Variants in HPCAL1 observed in about 807,000 individuals in gnomAD.
HPCAL1 encodes the protein hippocalcin like 1.
In HPCAL1, 8 loss-of-function variants were observed where a neutral mutation model predicts 17.1. The ratio of observed to expected loss-of-function variants is 0.47; its 90% CI spans 0.27 to 0.84. HPCAL1 has a LOEUF of 0.84. Ranked by LOEUF, HPCAL1 falls within the 40% of genes least tolerant of loss-of-function variation. HPCAL1 has a pLI of 0.13. For missense variants in HPCAL1, 165 were observed against 271.1 expected (o/e 0.61, Z 2.75); for synonymous variants, 112 against 111.4 (o/e 1.01, Z -0.03).
At chr2:10,406,324 C>T (rs1029258011) in intron 2 of HPCAL1, 2 of 152,462 alleles carry the variant, frequency 1.3e-5, no homozygotes, top group Non-Finnish European at 2.9e-5. Context: ...CCCATCCCAG[C>T]TGACCTCTGT....
intron 1 of HPCAL1, among the ~76,000 whole-genome samples, chr2:10,375,516 A>G (rs1667505081): frequency 6.6e-6 from 1 of 152,232 alleles, no homozygotes; most frequent in South Asian, 2.1e-4. Context: ...AAGCTTGAAG[A>G]AAAGTGGTTA....
rs151032540 is a variant in HPCAL1, at chr2:10,343,599, T to C, written c.-111+40422T>C. On this transcript the variant is annotated intron_variant, in intron 1 of 4. Transcript: ENST00000307845. This position sits in a 1 kb window ranked among gnomAD's most constrained non-coding sequence, Gnocchi z 4.8. The stretch of plus-strand genomic sequence containing the variant: ...GCATGGCTTTAGGTGGGACCTCCAC[T>C]ATATGGGTTTGCAAGCTGCCACTGC... Among the ~76,000 whole-genome samples the C allele has an allele frequency of 3.2e-4, 48 of 152,316 alleles. No individual in the cohort carries two copies. Among genetic ancestry groups the C allele is most frequent in the Admixed American group, 8.5e-4 (13 of 15,304 alleles).
chr2:10,316,122 C>T (rs1227069317), intron 1 of HPCAL1, among the ~76,000 whole-genome samples: 3 of 152,210 alleles, frequency 2.0e-5, no homozygotes, highest in Middle Eastern at 3.4e-3. Context: ...TGAACTTGGG[C>T]GTTCACTTCG....
At position 10,310,303 on chromosome 2, in the gene HPCAL1, C is replaced by G. The variant is rs1662873319; in HGVS notation, c.-111+7126C>G. ...GATGTGAGTACCTAGGTGAGTCTGG[C>G]TGGTCACGTGTGGAATAAGTGGTGG... is the stretch of plus-strand genomic sequence containing the variant. On this transcript the variant is annotated intron_variant, in intron 1 of 4. Coordinates refer to ENST00000307845, the MANE Select transcript of HPCAL1 (RefSeq NM_002149.4). The surrounding 1 kb of genome is among the most constrained non-coding windows in gnomAD (Gnocchi z 4.5). 1.3e-5 allele frequency among the ~76,000 whole-genome samples: 2 copies of G among 151,998 alleles called. No homozygotes were observed. Among genetic ancestry groups the G allele is most frequent in the Non-Finnish European group, 1.5e-5 (1 of 68,016 alleles).
chr2:10,343,494 T>C lies in HPCAL1; in HGVS notation c.-111+40317T>C, dbSNP rs1373275125. Reference sequence around the variant, plus strand: ...TGTCCACAGACTTCCATGCAAGTGATTCCTGCTGTTCCCTGGGTCTTCCTT... The same window carrying C: ...TGTCCACAGACTTCCATGCAAGTGACTCCTGCTGTTCCCTGGGTCTTCCTT... On this transcript the variant is annotated intron_variant, in intron 1 of 4. Coordinates refer to ENST00000307845, the MANE Select transcript of HPCAL1 (RefSeq NM_002149.4). This position sits in a 1 kb window ranked among gnomAD's most constrained non-coding sequence, Gnocchi z 4.8. 6.6e-6 allele frequency among the ~76,000 whole-genome samples: 1 copy of C among 152,204 alleles called. No homozygotes were observed. Among genetic ancestry groups the C allele is most frequent in the Admixed American group, 6.5e-5 (1 of 15,282 alleles).
chr2:10,306,446 G>A (rs78748748), intron 1 of HPCAL1, among the ~76,000 whole-genome samples: 366 of 152,194 alleles, frequency 2.4e-3, no homozygotes, highest in African/African-American at 8.5e-3. Context: ...TTTCTGTGTC[G>A]TTCTTATGTC....
intron 1 of HPCAL1, among the ~76,000 whole-genome samples, chr2:10,370,725 G>A (rs1243041557): frequency 6.6e-6 from 1 of 152,234 alleles, no homozygotes; most frequent in Non-Finnish European, 1.5e-5. Context: ...CCATACAGGT[G>A]TACCAGCTTT....
At chr2:10,385,202 C>T (rs554946508) in intron 1 of HPCAL1, among the ~76,000 whole-genome samples, 1 of 152,242 alleles carries the variant, frequency 6.6e-6, no homozygotes, top group African/African-American at 2.4e-5. Context: ...TGCCATCTTC[C>T]CATCAGCCCC....
intron 2 of HPCAL1, among the ~76,000 whole-genome samples, chr2:10,401,744 C>A (rs1186504026): frequency 6.6e-6 from 1 of 152,304 alleles, no homozygotes; most frequent in African/African-American, 2.4e-5. Context: ...TGGAACCCAG[C>A]TCTCTGTCCT....
At chr2:10,364,523 G>A (rs573675126) in intron 1 of HPCAL1, among the ~76,000 whole-genome samples, 1 of 152,296 alleles carries the variant, frequency 6.6e-6, no homozygotes, top group East Asian at 1.9e-4. Context: ...TGCTTCCCTC[G>A]GGATGGTTTC....
intron 3 of HPCAL1, among the ~76,000 whole-genome samples, chr2:10,421,709 C>A (rs1333045356): frequency 1.3e-5 from 2 of 152,008 alleles, no homozygotes; most frequent in African/African-American, 4.8e-5. Flanking sequence ...TCCAAAAAGA[C>A]CAAAAGCAAA....
At chr2:10,380,216 G>T (rs543220704) in intron 1 of HPCAL1, among the ~76,000 whole-genome samples, 16 of 152,216 alleles carry the variant, frequency 1.1e-4, no homozygotes, top group Non-Finnish European at 2.2e-4. Flanking sequence ...GGTTTGCTTG[G>T]TCTGGAGACA....
chr2:10,376,539 A>C (rs1037033568), intron 1 of HPCAL1, among the ~76,000 whole-genome samples: 2 of 152,008 alleles, frequency 1.3e-5, no homozygotes, highest in Non-Finnish European at 2.9e-5. Flanking sequence ...GGGTTCAAGC[A>C]ATCCTCCTGC....
At chr2:10,307,253 G>A (rs10198443) in intron 1 of HPCAL1, among the ~76,000 whole-genome samples, 3,292 of 152,312 alleles carry the variant, frequency 0.022, 110 homozygotes, top group African/African-American at 0.063. Flanking sequence ...TGGGTGGTGC[G>A]TGGTTCTCCT....
chr2:10,406,451 A>G (rs1669974722), intron 2 of HPCAL1: 2 of 152,290 alleles, frequency 1.3e-5, no homozygotes, highest in Non-Finnish European at 2.9e-5. Context: ...TGTCTTGTCC[A>G]TCCACGTGTG....
intron 2 of HPCAL1, among the ~76,000 whole-genome samples, chr2:10,409,000 T>G (rs1474849488): frequency 6.6e-6 from 1 of 152,220 alleles, no homozygotes; most frequent in African/African-American, 2.4e-5. Context: ...CTTGTTTGAT[T>G]TAAACCGTTA....
At chr2:10,401,557 G>A (rs1157738198) in intron 2 of HPCAL1, among the ~76,000 whole-genome samples, 7 of 152,092 alleles carry the variant, frequency 4.6e-5, no homozygotes, top group African/African-American at 4.8e-5. Flanking sequence ...TTCCAAGGCC[G>A]GATCTGCAGA....
intron 2 of HPCAL1, among the ~76,000 whole-genome samples, chr2:10,397,213 T>C (rs570602839): frequency 4.0e-5 from 6 of 151,684 alleles, no homozygotes; most frequent in Non-Finnish European, 7.4e-5. Flanking sequence ...TCGGTGCTTC[T>C]GTTTGGCGAT....
chr2:10,380,110 T>C (rs76162540), intron 1 of HPCAL1, among the ~76,000 whole-genome samples: 19,028 of 152,234 alleles, frequency 0.12, 2,553 homozygotes, highest in African/African-American at 0.33. Context: ...AGCTGCAGAC[T>C]GAGTGTGTTG....
Sources: allele counts gnomAD v4.1 joint callset (sites outside exome capture counted in the v4.1 genomes callset), GRCh38; gene constraint gnomAD v4.1.1; non-coding constraint Gnocchi (gnomAD v3.1); transcripts MANE v1.5; gene names NCBI Gene and HGNC (gene_info 2026-07-23, HGNC 2026-07-21).